Variants in HEPACAM2 observed in about 807,000 individuals in gnomAD.
The protein encoded by HEPACAM2 is mitotic kinetics regulator.
HEPACAM2 carries 49 observed loss-of-function variants against 49.6 expected under a neutral mutation model. That is an observed-to-expected ratio of 0.99 (90% CI 0.78 to 1.25). HEPACAM2 has a LOEUF of 1.25. Ranked by LOEUF, HEPACAM2 falls within the 50% of genes most tolerant of loss-of-function variation. The pLI, the probability that HEPACAM2 is intolerant of heterozygous loss-of-function variation, is 0.00. For missense variants in HEPACAM2, 525 were observed against 557.2 expected (o/e 0.94, Z 0.58); for synonymous variants, 197 against 202.9 (o/e 0.97, Z 0.25).
intron 5 of HEPACAM2, 34 bp downstream of exon 5, chr7:93,197,451 C>G: frequency 6.3e-7 from 1 of 1,584,328 alleles, no homozygotes; most frequent in Non-Finnish European, 8.6e-7. Flanking sequence ...CACATATATA[C>G]AGCTTCAATT....
At chr7:93,226,152 G>A (rs1300769959) in intron 1 of HEPACAM2, among the ~76,000 whole-genome samples, 2 of 152,000 alleles carry the variant, frequency 1.3e-5, no homozygotes, top group African/African-American at 4.8e-5. Context: ...AATAATTGTT[G>A]TTCCAAGAAA....
In HEPACAM2 at chr7:93,197,283, A is replaced by G. The variant is rs971075810; in HGVS notation, c.1164-5T>C. On this transcript the variant is annotated splice_polypyrimidine_tract_variant and splice_region_variant and intron_variant, in intron 6 of 9. Transcript: ENST00000394468. The stretch of plus-strand genomic sequence containing the variant: ...TTCCTGTATTCTGTTTCTGGCCTGA[A>G]AAGACAAAATAGGTATTTTTGTCAG... 6.2e-7 allele frequency: 1 copy of G among 1,610,908 alleles called. No individual in the cohort carries two copies. Among genetic ancestry groups the G allele is most frequent in the Non-Finnish European group, 8.5e-7 (1 of 1,178,612 alleles).
At chr7:93,190,259 C>T (rs1584322741) in intron 9 of HEPACAM2, among the ~76,000 whole-genome samples, 1 of 151,852 alleles carries the variant, frequency 6.6e-6, no homozygotes, top group Non-Finnish European at 1.5e-5. Flanking sequence ...AATAAAATAA[C>T]ACTTTAGAAA....
At chr7:93,218,734 T>C (rs577854687) in intron 2 of HEPACAM2, among the ~76,000 whole-genome samples, 2 of 152,212 alleles carry the variant, frequency 1.3e-5, no homozygotes, top group Admixed American at 1.3e-4. Context: ...GAAACAAAAA[T>C]CTTCATGACA....
chr7:93,192,051 T>C (rs1390757792), intron 9 of HEPACAM2, among the ~76,000 whole-genome samples: 1 of 152,116 alleles, frequency 6.6e-6, no homozygotes, highest in African/African-American at 2.4e-5. Flanking sequence ...CTGGCCCAAG[T>C]GCATGGCCCT....
Position 93,215,658 on chromosome 7 carries a change from A to G in HEPACAM2, c.458T>C (p.Ile153Thr). Reference sequence around the variant, plus strand: ...CTCCACAGCCCCAGAGGGAGGATGAATCTGCACCACTGGCTTTGTGACAGG... The same window carrying G: ...CTCCACAGCCCCAGAGGGAGGATGAGTCTGCACCACTGGCTTTGTGACAGG... ...DDPVTKPVVQ[I>T]HPPSGAVEYV... The change falls in exon 3 of 10, where the codon ATT becomes ACT. Residue 153 changes from isoleucine to threonine, a missense_variant. Ile to Thr is a moderately conservative substitution (Grantham distance 89). Coordinates refer to ENST00000394468, the MANE Select transcript of HEPACAM2 (RefSeq NM_001039372.4). 4 of 1,613,528 alleles carry G rather than the reference A, an allele frequency of 2.5e-6. No individual in the cohort carries two copies. Among genetic ancestry groups the G allele is most frequent in the Non-Finnish European group, 2.5e-6 (3 of 1,179,656 alleles).
Position 93,188,849 on chromosome 7 carries a change from G to A in HEPACAM2, c.*418C>T. 1 of 393,358 alleles carries A rather than the reference G, an allele frequency of 2.5e-6. No individual in the cohort carries two copies. 24.4% of individuals were successfully genotyped at this position (393,358 alleles called of 1,614,324 possible). On this transcript the variant is annotated 3_prime_UTR_variant, in exon 10 of 10. Transcript: ENST00000394468. Reference sequence around the variant, plus strand: ...ACTAATAAAAATTTAATAAAACAAAGTCTGCTGAAAAATCGAACAATGTAA... The same window carrying A: ...ACTAATAAAAATTTAATAAAACAAAATCTGCTGAAAAATCGAACAATGTAA...
At chr7:93,227,294 C>T (rs570626144), upstream of HEPACAM2, among the ~76,000 whole-genome samples, 4 of 152,300 alleles carry the variant, frequency 2.6e-5, no homozygotes, top group South Asian at 8.3e-4. Context: ...GCTTAATTTA[C>T]TAAGTTATTA....
At chr7:93,230,303 C>A (rs1317345076), upstream of HEPACAM2, among the ~76,000 whole-genome samples, 1 of 152,150 alleles carries the variant, frequency 6.6e-6, no homozygotes, top group African/African-American at 2.4e-5. Context: ...AATATGTGGT[C>A]TCGAACCCTT....
In HEPACAM2 at chr7:93,215,575, G is replaced by T. The variant is rs780765223; in HGVS notation, c.541C>A (p.Gln181Lys). 6.4e-5 allele frequency: 104 copies of T among 1,613,614 alleles called. 2 individuals carry two copies. The Admixed American group carries it at 1.6e-3, about 25-fold the overall frequency. Residue 181 changes from glutamine (Q) to lysine (K), a missense_variant, in exon 3 of 10, where the codon CAA becomes AAA. By Grantham distance (53) the Gln-to-Lys change is moderately conservative. Coordinates refer to ENST00000394468, the MANE Select transcript of HEPACAM2 (RefSeq NM_001039372.4). ...ACAGGTCTCCCATTTTTTAGCCATT[G>T]GTAAGCTAGCCGAGTGCCCCCTTCC... ...HVEGGTRLAY[Q>K]WLKNGRPVHT...
Position 93,215,478 on chromosome 7 carries a change from T to C in HEPACAM2, c.638A>G (p.Asp213Gly). 5 of 1,613,902 alleles carry C rather than the reference T, an allele frequency of 3.1e-6. No homozygotes were observed. Among genetic ancestry groups the C allele is most frequent in the East Asian group, 2.2e-5 (1 of 44,876 alleles). ...TLHIAPVTKE[D>G]IGNYSCLVRN... Reference sequence around the variant, plus strand: ...CACCAGGCAGCTGTAATTCCCAATGTCTTCCTTGGTTACTGGAGCAATATG... The same window carrying C: ...CACCAGGCAGCTGTAATTCCCAATGCCTTCCTTGGTTACTGGAGCAATATG... The change falls in exon 3 of 10, where the codon GAC becomes GGC. Residue 213 changes from aspartate to glycine, a missense_variant. Physicochemically the swap from Asp to Gly is moderately conservative, Grantham distance 94 (BLOSUM62 -1). Coordinates refer to ENST00000394468, the MANE Select transcript of HEPACAM2 (RefSeq NM_001039372.4).
chr7:93,216,338 T>C (rs1353377754), intron 2 of HEPACAM2, among the ~76,000 whole-genome samples: 5 of 152,092 alleles, frequency 3.3e-5, no homozygotes, highest in Non-Finnish European at 7.4e-5. Context: ...AGTCTGAAAA[T>C]AGGATAAAAT....
chr7:93,197,532 A>T lies in HEPACAM2; in HGVS notation c.1091T>A (p.Ile364Lys). The T allele has an allele frequency of 6.3e-7, 1 of 1,595,792 alleles. No homozygotes were observed. The highest frequency in any genetic ancestry group is 8.6e-7 in the Non-Finnish European group (1 of 1,165,806). ...CCATAGGAAGAGAAGACACATGGAT[A>T]TAATCAAAAATAGTGATATTCCAGT... ...SITGISLFLIISMCLLFLWKK... is the reference protein window; with the variant it reads ...SITGISLFLIKSMCLLFLWKK... Residue 364 changes from isoleucine to lysine, a missense_variant, in exon 5 of 10, where the codon ATA becomes AAA. Transcript: ENST00000394468.
In HEPACAM2 at chr7:93,197,205, A is replaced by G. The variant is rs763337918; in HGVS notation, c.1201+36T>C. The G allele has an allele frequency of 1.9e-6, 3 of 1,551,074 alleles. No homozygotes were observed. The South Asian group carries it at 3.5e-5, about 18-fold the overall frequency. The stretch of plus-strand genomic sequence containing the variant: ...TTAACACAACTAATTAACATACATT[A>G]AAACTGATAATAGCCCTTTTCAGCT... On this transcript the variant is annotated intron_variant, in intron 7 of 9. Transcript: ENST00000394468.
intron 3 of HEPACAM2, among the ~76,000 whole-genome samples, chr7:93,213,224 A>G (rs193035192): frequency 4.1e-4 from 63 of 152,124 alleles, no homozygotes; most frequent in Non-Finnish European, 3.1e-4. Flanking sequence ...GTTATTATTT[A>G]CAACTGGAGC....
chr7:93,211,207 T>C (rs2116691674), intron 3 of HEPACAM2, among the ~76,000 whole-genome samples: 1 of 152,196 alleles, frequency 6.6e-6, no homozygotes, highest in Middle Eastern at 3.4e-3. Context: ...AAAAGACATA[T>C]GGAGAAATGT....
intron 9 of HEPACAM2, among the ~76,000 whole-genome samples, chr7:93,191,803 T>C (rs1793554429): frequency 6.6e-6 from 1 of 152,080 alleles, no homozygotes; most frequent in Admixed American, 6.6e-5. Flanking sequence ...AGGATTGGCA[T>C]TGGTGCTGAC....
intron 4 of HEPACAM2, among the ~76,000 whole-genome samples, chr7:93,199,729 T>C (rs1793832538): frequency 6.6e-6 from 1 of 152,092 alleles, no homozygotes; most frequent in Non-Finnish European, 1.5e-5. Context: ...CACATATATA[T>C]GTTAACACAC....
chr7:93,201,803 C>A (rs1200840664), intron 4 of HEPACAM2, among the ~76,000 whole-genome samples: 1 of 151,844 alleles, frequency 6.6e-6, no homozygotes, highest in Non-Finnish European at 1.5e-5. Flanking sequence ...CCTGAGAATC[C>A]TCTTCTTCAG....
Sources: allele counts gnomAD v4.1 joint callset (sites outside exome capture counted in the v4.1 genomes callset), GRCh38; gene constraint gnomAD v4.1.1; transcripts MANE v1.5; gene names NCBI Gene and HGNC (gene_info 2026-07-23, HGNC 2026-07-21).